Variants in IPCEF1 observed in about 807,000 individuals in gnomAD.
The protein encoded by IPCEF1 is interaction protein for cytohesin exchange factors 1, also known as interactor protein for cytohesin exchange factors 1.
Under a neutral mutation model 50.9 loss-of-function variants are expected in IPCEF1, and 31 were observed. The observed-to-expected ratio is 0.61, with a 90% CI of 0.46 to 0.82. The LOEUF is 0.82. Among genes scored for constraint, IPCEF1 ranks in the 40% least tolerant of loss-of-function variants. The pLI is 0.00. For missense variants in IPCEF1, 458 were observed against 514.0 expected (o/e 0.89, Z 1.05); for synonymous variants, 181 against 192.0 (o/e 0.94, Z 0.47).
At chr6:154,262,790 T>G (rs1346796672) in intron 3 of IPCEF1, among the ~76,000 whole-genome samples, 8 of 91,144 alleles carry the variant, frequency 8.8e-5, no homozygotes, top group African/African-American at 3.0e-4. Context: ...TTTTTTTTTT[T>G]TTTTTGAGAC....
rs1483881975 is a variant in IPCEF1, at chr6:154,158,240, G to C, written c.*1588C>G. On this transcript the variant is annotated 3_prime_UTR_variant, in exon 12 of 12. Transcript: ENST00000367220. The stretch of plus-strand genomic sequence containing the variant: ...CACTTTGAAGCTATAAAACAAAATA[G>C]GTTGTGTGAACAATTTGTTACGGGT... The C allele has an allele frequency of 6.6e-6, 1 of 152,186 alleles. No individual in the cohort carries two copies. Among genetic ancestry groups the C allele is most frequent in the Non-Finnish European group, 1.5e-5 (1 of 68,044 alleles). 9.4% of individuals were successfully genotyped at this position (152,186 alleles called of 1,614,324 possible). A position where few individuals can be genotyped will look rare whatever the true frequency, so the allele number is the denominator to read the frequency against.
rs375208537 is a variant in IPCEF1, at chr6:154,222,461, G to A, written c.320+709C>T. Among the ~76,000 whole-genome samples the A allele has an allele frequency of 7.2e-4, 109 of 152,318 alleles. 1 individual carries two copies. In the South Asian group the frequency reaches 0.021, roughly 30 times the overall value. On this transcript the variant is annotated intron_variant, in intron 6 of 11. Coordinates refer to ENST00000367220, the MANE Select transcript of IPCEF1 (RefSeq NM_001130700.2). ...GATAAGACTGGAAAAGATGTCAAAGGTAGAAGAAATAATAAGAAAAAGGTG... is the reference window on the plus strand; with the variant it reads ...GATAAGACTGGAAAAGATGTCAAAGATAGAAGAAATAATAAGAAAAAGGTG...
chr6:154,162,555 T>C (rs1306139503), intron 11 of IPCEF1, among the ~76,000 whole-genome samples: 1 of 152,234 alleles, frequency 6.6e-6, no homozygotes, highest in Non-Finnish European at 1.5e-5. Flanking sequence ...AACAGTTTCA[T>C]TGTTGTGCTC....
At chr6:154,338,017 C>A (rs565808848) in intron 1 of IPCEF1, among the ~76,000 whole-genome samples, 1 of 152,360 alleles carries the variant, frequency 6.6e-6, no homozygotes, top group African/African-American at 2.4e-5. Context: ...AATGGCTAAG[C>A]TGAGGCTTGA....
intron 10 of IPCEF1, among the ~76,000 whole-genome samples, chr6:154,174,657 C>T (rs958102780): frequency 1.1e-4 from 16 of 152,264 alleles, no homozygotes; most frequent in Middle Eastern, 6.8e-3. Flanking sequence ...TACAGGAGCA[C>T]CCAGATTCAT....
intron 4 of IPCEF1, 148 bp downstream of exon 4, chr6:154,247,301 C>G: frequency 1.6e-6 from 1 of 629,282 alleles, no homozygotes; most frequent in Non-Finnish European, 2.8e-6. Context: ...AAAATCGATT[C>G]AACAATAACC....
chr6:154,220,782 A>G (rs924868280), intron 7 of IPCEF1, among the ~76,000 whole-genome samples: 2 of 152,186 alleles, frequency 1.3e-5, no homozygotes, highest in African/African-American at 4.8e-5. Flanking sequence ...GGGATCTACA[A>G]TTTTAAGTTT....
intron 1 of IPCEF1, among the ~76,000 whole-genome samples, chr6:154,326,824 G>T (rs1232232878): frequency 1.3e-5 from 2 of 152,066 alleles, no homozygotes; most frequent in Non-Finnish European, 2.9e-5. Flanking sequence ...ATACTACAAG[G>T]CTACAGTAAC....
intron 1 of IPCEF1, among the ~76,000 whole-genome samples, chr6:154,321,778 TAAAAAAAAAAAAA>T (rs61648946): frequency 3.9e-5 from 2 of 51,934 alleles, no homozygotes; most frequent in South Asian, 9.5e-4. Context: ...AGACTCTTTC[TAAAAAAAAAAAAA>T]AAAAAAAAAA....
At chr6:154,276,165 C>CCTCT (rs1782052974) in intron 2 of IPCEF1, among the ~76,000 whole-genome samples, 1 of 147,204 alleles carries the variant, frequency 6.8e-6, no homozygotes. Context: ...GCCTGGGCAA[C>CCTCT]AGAGAGAGAT....
At chr6:154,221,969 T>C (rs1778902409) in intron 6 of IPCEF1, among the ~76,000 whole-genome samples, 3 of 152,352 alleles carry the variant, frequency 2.0e-5, no homozygotes, top group South Asian at 2.1e-4. Context: ...ATAAATTCAA[T>C]TTTAAAGTGA....
intron 5 of IPCEF1, among the ~76,000 whole-genome samples, chr6:154,228,283 T>C (rs1195087061): frequency 2.7e-5 from 4 of 147,262 alleles, no homozygotes; most frequent in Non-Finnish European, 5.9e-5. Context: ...CCAGACAACA[T>C]AGGCAGACCT....
chr6:154,317,768 GT>G (rs35158220), intron 1 of IPCEF1, among the ~76,000 whole-genome samples: 8,945 of 150,966 alleles, frequency 0.059, 899 homozygotes, highest in African/African-American at 0.2. Flanking sequence ...GCTACAACCG[GT>G]TTTTTTTTAA....
chr6:154,225,907 G>A (rs957245926), intron 5 of IPCEF1, among the ~76,000 whole-genome samples: 9 of 152,082 alleles, frequency 5.9e-5, no homozygotes, highest in African/African-American at 4.8e-5. Context: ...AACTCCACCC[G>A]CGTTGCTAAA....
chr6:154,228,900 AC>A (rs1479166676), intron 5 of IPCEF1, among the ~76,000 whole-genome samples: 1 of 152,242 alleles, frequency 6.6e-6, no homozygotes, highest in Non-Finnish European at 1.5e-5. Context: ...AAACAAACAA[AC>A]AAAAAACAGA....
intron 9 of IPCEF1, among the ~76,000 whole-genome samples, chr6:154,201,955 A>G (rs1004360198): frequency 6.6e-6 from 1 of 152,338 alleles, no homozygotes; most frequent in African/African-American, 2.4e-5. Context: ...AGAGAGAGGA[A>G]GCCAAAGAGC....
At chr6:154,281,602 C>G (rs1399066781) in intron 2 of IPCEF1, among the ~76,000 whole-genome samples, 1 of 152,164 alleles carries the variant, frequency 6.6e-6, no homozygotes, top group South Asian at 2.1e-4. Flanking sequence ...TGACTCACGC[C>G]TGTAATCCCA....
chr6:154,328,948 T>A (rs1783589675), intron 1 of IPCEF1, among the ~76,000 whole-genome samples: 1 of 152,254 alleles, frequency 6.6e-6, no homozygotes, highest in African/African-American at 2.4e-5. Context: ...TATGAAGTGA[T>A]ACTCAAATCA....
chr6:154,229,525 A>AT (rs369132657), intron 5 of IPCEF1, among the ~76,000 whole-genome samples: 11,588 of 140,978 alleles, frequency 0.082, 918 homozygotes, highest in East Asian at 0.44. Context: ...CATTTTTTGT[A>AT]TTTTTTTTTT....
Sources: allele counts gnomAD v4.1 joint callset (sites outside exome capture counted in the v4.1 genomes callset), GRCh38; gene constraint gnomAD v4.1.1; transcripts MANE v1.5; gene names NCBI Gene and HGNC (gene_info 2026-07-23, HGNC 2026-07-21).